Variants in NECTIN1 observed in about 807,000 individuals in gnomAD.
The protein encoded by NECTIN1 is nectin-1.
Under a neutral mutation model 48.0 loss-of-function variants are expected in NECTIN1, and 23 were observed. That is an observed-to-expected ratio of 0.48 (90% CI 0.34 to 0.68). The LOEUF is 0.68. NECTIN1 is among the 30% of genes least tolerant of loss of function. The pLI is 0.01. For missense variants in NECTIN1, 591 were observed against 709.9 expected (o/e 0.83, Z 1.90); for synonymous variants, 270 against 288.9 (o/e 0.93, Z 0.66).
intron 5 of NECTIN1, among the ~76,000 whole-genome samples, chr11:119,646,510 G>T (rs1864397854): frequency 6.6e-6 from 1 of 152,192 alleles, no homozygotes; most frequent in Non-Finnish European, 1.5e-5. Flanking sequence ...TAAACCCGTG[G>T]TCACATTATC....
Position 119,677,160 on chromosome 11 carries a change from C to T in NECTIN1, c.793G>A (p.Val265Met), listed in dbSNP as rs140974611. The T allele has an allele frequency of 3.2e-5, 51 of 1,614,148 alleles. No individual in the cohort carries two copies. The highest frequency in any genetic ancestry group is 2.5e-4 in the Admixed American group (15 of 60,018). ...DGNWYLQRMDVKLTCKADANP... is the reference protein window; with the variant it reads ...DGNWYLQRMDMKLTCKADANP... Reference sequence around the variant, plus strand: ...GCATCAGCTTTGCAGGTGAGCTTCACGTCCATCCGCTGCAGGTACCAGTTG... The same window carrying T: ...GCATCAGCTTTGCAGGTGAGCTTCATGTCCATCCGCTGCAGGTACCAGTTG... The change falls in exon 4 of 6, where the codon GTG becomes ATG. Residue 265 changes from valine to methionine, a missense_variant. By Grantham distance (21) the Val-to-Met change is conservative. Transcript: ENST00000264025. The surrounding 1 kb of genome is among the most constrained non-coding windows in gnomAD (Gnocchi z 5.4).
chr11:119,692,340 C>T (rs901257353), intron 1 of NECTIN1, among the ~76,000 whole-genome samples: 1 of 152,224 alleles, frequency 6.6e-6, no homozygotes, highest in Non-Finnish European at 1.5e-5. Flanking sequence ...CCCTTCCCTC[C>T]TTCCATTCCC....
At chr11:119,724,917 G>A (rs1456651156) in intron 1 of NECTIN1, among the ~76,000 whole-genome samples, 2 of 152,140 alleles carry the variant, frequency 1.3e-5, no homozygotes, top group Non-Finnish European at 1.5e-5. Flanking sequence ...AATGTTTAAA[G>A]TTTTTTTGTT....
rs1443311045 is a variant in NECTIN1 at position 119,727,770 on chromosome 11, T to C, written c.79+705A>G. 3.3e-5 allele frequency among the ~76,000 whole-genome samples: 5 copies of C among 152,114 alleles called. No individual in the cohort carries two copies. The highest frequency in any genetic ancestry group is 7.2e-5 in the African/African-American group (3 of 41,426). On this transcript the variant is annotated intron_variant, in intron 1 of 5. Coordinates refer to ENST00000264025, the MANE Select transcript of NECTIN1 (RefSeq NM_002855.5). This position sits in a 1 kb window ranked among gnomAD's most constrained non-coding sequence, Gnocchi z 4.1. ...TCGGGAAAGTGGGTCATGCAGCTAC[T>C]TGGATGGCAGGAAGCCCGCGGTGTC...
chr11:119,713,968 G>T, intron 1 of NECTIN1: 1 of 425,952 alleles, frequency 2.3e-6, no homozygotes, highest in Non-Finnish European at 4.7e-6. Flanking sequence ...GGCTTTGGGG[G>T]CAAGGGATGC....
At chr11:119,670,964 G>A (rs1199956641) in intron 5 of NECTIN1, among the ~76,000 whole-genome samples, 1 of 151,932 alleles carries the variant, frequency 6.6e-6, no homozygotes, top group Non-Finnish European at 1.5e-5. Context: ...GTCTTAAGGA[G>A]GTTTACTCTT....
chr11:119,653,000 G>C (rs2135533298), intron 5 of NECTIN1, among the ~76,000 whole-genome samples: 1 of 152,290 alleles, frequency 6.6e-6, no homozygotes, highest in South Asian at 2.1e-4. Flanking sequence ...CATGTTGACT[G>C]AAAGAGCTGC....
At chr11:119,718,205 A>C (rs543743353) in intron 1 of NECTIN1, among the ~76,000 whole-genome samples, 1 of 152,212 alleles carries the variant, frequency 6.6e-6, no homozygotes, top group East Asian at 1.9e-4. Flanking sequence ...GACTGTCTGA[A>C]GTCAACTCCC....
chr11:119,716,856 G>A (rs1340444145), intron 1 of NECTIN1, among the ~76,000 whole-genome samples: 2 of 152,194 alleles, frequency 1.3e-5, no homozygotes, highest in Admixed American at 6.5e-5. Flanking sequence ...GCACACGCGC[G>A]CGCACGCACG....
chr11:119,728,591 A>C lies in NECTIN1; in HGVS notation c.-38T>G, dbSNP rs757579321. 4.9e-6 allele frequency: 7 copies of C among 1,436,756 alleles called. No homozygotes were observed. The South Asian group carries it at 9.0e-5, about 18-fold the overall frequency. The allele number at this position is 1,436,756 out of a possible 1,614,324, so 89.0% of individuals were successfully genotyped here. A position where few individuals can be genotyped will look rare whatever the true frequency, so the allele number is the denominator to read the frequency against. On this transcript the variant is annotated 5_prime_UTR_variant, in exon 1 of 6. Coordinates refer to ENST00000264025, the MANE Select transcript of NECTIN1 (RefSeq NM_002855.5). ...GTCCGGCGAGAGGGGCGGCGAGGGC[A>C]GCGCTCCTCGCGCAGCAGAAACCAG... is the stretch of plus-strand genomic sequence containing the variant.
chr11:119,661,306 C>A lies in NECTIN1; in HGVS notation c.*3441G>T. ...AGCAGGGGTCAGAAGAGCAGCAGCA[C>A]CGAGTGGGACAGGGGCTCCTCCTGG... On this transcript the variant is annotated 3_prime_UTR_variant, in exon 6 of 6. Coordinates refer to ENST00000264025, the MANE Select transcript of NECTIN1 (RefSeq NM_002855.5). 1 of 986,018 alleles carries A rather than the reference C, an allele frequency of 1.0e-6. No individual in the cohort carries two copies. The highest frequency in any genetic ancestry group is 1.2e-6 in the Non-Finnish European group (1 of 830,028). 61.1% of individuals were successfully genotyped at this position (986,018 alleles called of 1,614,324 possible).
Position 119,678,420 on chromosome 11 carries a change from A to T in NECTIN1, c.425T>A (p.Val142Glu). 6.2e-7 allele frequency: 1 copy of T among 1,614,010 alleles called. No individual in the cohort carries two copies. Among genetic ancestry groups the T allele is most frequent in the South Asian group, 1.1e-5 (1 of 91,088 alleles). Residue 142 changes from valine (V) to glutamate (E), a missense_variant, in exon 2 of 6, where the codon GTG becomes GAG. Physicochemically the swap from Val to Glu is moderately radical, Grantham distance 121. Transcript: ENST00000264025. The surrounding 1 kb of genome is among the most constrained non-coding windows in gnomAD (Gnocchi z 4.4). ...GNRESQLNLT[V>E]MAKPTNWIEG... is the part of the protein sequence containing the mutation. ...GGGGGCCCAGGGCAGCTTACCCATC[A>T]CCGTGAGATTGAGCTGGCTTTCTCG... is the stretch of plus-strand genomic sequence containing the variant.
rs142206052 is a variant in NECTIN1, at chr11:119,663,568, G to C, written c.*1179C>G. On this transcript the variant is annotated 3_prime_UTR_variant, in exon 6 of 6. Transcript: ENST00000264025. ...CATTGTATGGACTCCTCAGTCCCTC[G>C]GACTGTGTTTGCAGAGCTTCTGCCA... is the stretch of plus-strand genomic sequence containing the variant. The C allele has an allele frequency of 5.1e-3, 5,049 of 985,510 alleles. 23 individuals carry two copies. Among genetic ancestry groups the C allele is most frequent in the Middle Eastern group, 0.034 (66 of 1,914 alleles). 61.0% of individuals were successfully genotyped at this position (985,510 alleles called of 1,614,324 possible).
At chr11:119,650,263 A>C (rs1036647483) in intron 5 of NECTIN1, among the ~76,000 whole-genome samples, 2 of 152,184 alleles carry the variant, frequency 1.3e-5, no homozygotes, top group African/African-American at 4.8e-5. Flanking sequence ...CGTGCAGGTC[A>C]CAGGGGATAT....
chr11:119,703,224 G>A (rs1865486236), intron 1 of NECTIN1, among the ~76,000 whole-genome samples: 3 of 152,210 alleles, frequency 2.0e-5, no homozygotes, highest in Non-Finnish European at 2.9e-5. Context: ...GGACCCACGT[G>A]GGTTTGAGAA....
At chr11:119,693,620 C>G (rs1865298482) in intron 1 of NECTIN1, among the ~76,000 whole-genome samples, 1 of 152,176 alleles carries the variant, frequency 6.6e-6, no homozygotes, top group African/African-American at 2.4e-5. Flanking sequence ...CATGAAGAGT[C>G]AGCAGAGGCT....
chr11:119,648,271 GTGGTGA>G (rs1156268754), intron 5 of NECTIN1, among the ~76,000 whole-genome samples: 5 of 19,632 alleles, frequency 2.5e-4, no homozygotes, highest in East Asian at 3.1e-3. Flanking sequence ...AATAGTGGTG[GTGGTGA>G]TGGTGGTGGT....
chr11:119,725,702 G>C (rs1049534561), intron 1 of NECTIN1, among the ~76,000 whole-genome samples: 7 of 152,242 alleles, frequency 4.6e-5, no homozygotes, highest in Admixed American at 3.3e-4. Flanking sequence ...CTCTGCACAA[G>C]CTGCAGAGAG....
In NECTIN1 at chr11:119,661,128, G is replaced by A. The variant is rs550712698; in HGVS notation, c.*3619C>T. On this transcript the variant is annotated 3_prime_UTR_variant, in exon 6 of 6. Coordinates refer to ENST00000264025, the MANE Select transcript of NECTIN1 (RefSeq NM_002855.5). ...GGTCAGAACCAGGAGGATCTGCTGGGCTGTCCCTGGACCAAAGGCGGAAAG... is the reference window on the plus strand; with the variant it reads ...GGTCAGAACCAGGAGGATCTGCTGGACTGTCCCTGGACCAAAGGCGGAAAG... The A allele has an allele frequency of 1.1e-5, 11 of 985,790 alleles. No individual in the cohort carries two copies. In the East Asian group the frequency reaches 1.0e-3, roughly 92 times the overall value. 61.1% of individuals were successfully genotyped at this position (985,790 alleles called of 1,614,324 possible). A position where few individuals can be genotyped will look rare whatever the true frequency, so the allele number is the denominator to read the frequency against.
Sources: gnomAD v4.1 joint callset for allele counts (sites outside exome capture counted in the v4.1 genomes callset) on GRCh38, gnomAD v4.1.1 for gene constraint, Gnocchi (gnomAD v3.1) non-coding constraint, MANE v1.5 for transcripts, NCBI Gene and HGNC (gene_info 2026-07-23, HGNC 2026-07-21) for gene names.